NUP133: variants seen among roughly 807,000 people sequenced by gnomAD.
NUP133 encodes the protein nucleoporin 133.
NUP133 carries 66 observed loss-of-function variants against 146.2 expected under a neutral mutation model. That is an observed-to-expected ratio of 0.45 (90% CI 0.37 to 0.55). The LOEUF (loss-of-function observed/expected upper bound fraction) is 0.55. NUP133 is among the 20% of genes least tolerant of loss of function. The pLI is 0.00. For synonymous variants in NUP133, 521 were observed against 498.8 expected (o/e 1.04, Z -0.59); for missense variants, 1,277 against 1,374.8 (o/e 0.93, Z 1.12).
chr1:229,472,540 G>T (rs952496245), intron 14 of NUP133, among the ~76,000 whole-genome samples: 1 of 151,070 alleles, frequency 6.6e-6, no homozygotes, highest in South Asian at 2.1e-4. Flanking sequence ...AAAAGTAGCT[G>T]ATTTGGTGGC....
chr1:229,472,600 T>G (rs896256300), intron 14 of NUP133, among the ~76,000 whole-genome samples: 1 of 150,586 alleles, frequency 6.6e-6, no homozygotes, highest in East Asian at 2.0e-4. Flanking sequence ...GAAGATCACC[T>G]GAGCCCGGAC....
intron 21 of NUP133, 134 bp downstream of exon 21, chr1:229,458,027 T>C: frequency 1.2e-6 from 1 of 837,164 alleles, no homozygotes; most frequent in Non-Finnish European, 1.8e-6. Context: ...CACATGGACA[T>C]TAACTAAATG....
In NUP133 at chr1:229,452,593, G is replaced by A; in HGVS notation, c.3031C>T (p.Gln1011Ter). ...TTTAGCTGTTTCTCCGCCAGCAGCT[G>A]TTCAGGTAGGGTCTCCTGATGCAGT... is the stretch of plus-strand genomic sequence containing the variant. ...FLLHQETLPE[Q>*]LLAEKQLNLS... Residue 1011 changes from glutamine to a stop codon, truncating the protein, a stop_gained, in exon 22 of 26, where the codon CAG becomes TAG. Coordinates refer to ENST00000261396, the MANE Select transcript of NUP133 (RefSeq NM_018230.3). LOFTEE classifies it high-confidence loss of function. 1 of 1,613,856 alleles carries A rather than the reference G, an allele frequency of 6.2e-7. No individual in the cohort carries two copies. The highest frequency in any genetic ancestry group is 8.5e-7 in the Non-Finnish European group (1 of 1,179,804).
At chr1:229,481,414 A>G (rs995940192) in intron 12 of NUP133, among the ~76,000 whole-genome samples, 3 of 152,154 alleles carry the variant, frequency 2.0e-5, no homozygotes, top group Non-Finnish European at 4.4e-5. Flanking sequence ...TGTCCTTATA[A>G]GAAGGCCACG....
At chr1:229,459,187 C>T (rs1423767625) in intron 20 of NUP133, among the ~76,000 whole-genome samples, 1 of 152,000 alleles carries the variant, frequency 6.6e-6, no homozygotes, top group African/African-American at 2.4e-5. Flanking sequence ...ATGTACAATA[C>T]ACTATTATTA....
At chr1:229,478,141 A>G (rs556718422) in intron 12 of NUP133, among the ~76,000 whole-genome samples, 6 of 152,280 alleles carry the variant, frequency 3.9e-5, no homozygotes, top group Admixed American at 3.9e-4. Flanking sequence ...CTATGTACCC[A>G]TAAAAATAAA....
rs557870934 is a variant in NUP133, at chr1:229,452,662, G to A, written c.2981-19C>T. 238 of 1,546,988 alleles carry A rather than the reference G, an allele frequency of 1.5e-4. 3 individuals carry two copies. The South Asian group carries it at 2.6e-3, about 17-fold the overall frequency. On this transcript the variant is annotated intron_variant, in intron 21 of 25. Coordinates refer to ENST00000261396, the MANE Select transcript of NUP133 (RefSeq NM_018230.3). Reference sequence around the variant, plus strand: ...GCCATTTCTAGTATTCAAGATGAGAGGGAGGGAAAGAGAATATGATGAAAT... The same window carrying A: ...GCCATTTCTAGTATTCAAGATGAGAAGGAGGGAAAGAGAATATGATGAAAT...
chr1:229,445,011 CA>C lies in NUP133; in HGVS notation c.3246-10del. 1.3e-6 allele frequency: 2 copies of C among 1,582,790 alleles called. No homozygotes were observed. Among genetic ancestry groups the C allele is most frequent in the Non-Finnish European group, 1.7e-6 (2 of 1,155,176 alleles). On this transcript the variant is annotated splice_polypyrimidine_tract_variant and intron_variant, in intron 24 of 25. Coordinates refer to ENST00000261396, the MANE Select transcript of NUP133 (RefSeq NM_018230.3). ...CATCAGAACTGGACCAGCTAGAAAACAAAATCATTATGAGGGAAAAATGAAA... is the reference window on the plus strand; with the variant it reads ...CATCAGAACTGGACCAGCTAGAAAACAAATCATTATGAGGGAAAAATGAAA...
intron 19 of NUP133, among the ~76,000 whole-genome samples, chr1:229,463,314 G>A (rs1660733092): frequency 6.6e-6 from 1 of 152,140 alleles, no homozygotes; most frequent in Admixed American, 6.5e-5. Context: ...GGGGTGAGGT[G>A]GGAGAAGTGA....
At chr1:229,484,260 C>T in intron 11 of NUP133, 115 bp from the exon 12 acceptor site, 1 of 657,306 alleles carries the variant, frequency 1.5e-6, no homozygotes. Context: ...GAGCTGTTTG[C>T]CGTATTGTCT....
Position 229,441,034 on chromosome 1 carries a change from G to C in NUP133, c.*870C>G. On this transcript the variant is annotated 3_prime_UTR_variant, in exon 26 of 26. Coordinates refer to ENST00000261396, the MANE Select transcript of NUP133 (RefSeq NM_018230.3). ...TTTATTTAAAACCCAGATAAACATT[G>C]AGTGAGTGATGACACTGGTCAGGAC... 1 of 162,074 alleles carries C rather than the reference G, an allele frequency of 6.2e-6. No individual in the cohort carries two copies. Among genetic ancestry groups the C allele is most frequent in the Non-Finnish European group, 1.4e-5 (1 of 73,920 alleles). The allele number at this position is 162,074 out of a possible 1,614,324, so 10.0% of individuals were successfully genotyped here.
chr1:229,485,806 G>A (rs1661334777), intron 11 of NUP133, among the ~76,000 whole-genome samples: 1 of 152,178 alleles, frequency 6.6e-6, no homozygotes, highest in Admixed American at 6.5e-5. Flanking sequence ...ACTAATGTCT[G>A]CATCATTACG....
intron 9 of NUP133, among the ~76,000 whole-genome samples, chr1:229,488,677 C>CA (rs377154071): frequency 0.011 from 1,475 of 132,246 alleles, 18 homozygotes; most frequent in African/African-American, 0.035. Flanking sequence ...GAGTAAGGAT[C>CA]AAAAAAAAAA....
At chr1:229,444,639 G>A (rs1558086512) in intron 25 of NUP133, among the ~76,000 whole-genome samples, 1 of 151,632 alleles carries the variant, frequency 6.6e-6, no homozygotes, top group Non-Finnish European at 1.5e-5. Flanking sequence ...ATGAGGTCAG[G>A]AGTTCGAGAC....
intron 11 of NUP133, among the ~76,000 whole-genome samples, chr1:229,485,499 C>T (rs1171325717): frequency 2.0e-5 from 3 of 152,016 alleles, no homozygotes; most frequent in African/African-American, 7.3e-5. Context: ...AAGAGTCACA[C>T]AAAGTTCTAT....
In NUP133 at chr1:229,470,597, C is replaced by G; in HGVS notation, c.2059G>C (p.Asp687His). 1 of 1,614,080 alleles carries G rather than the reference C, an allele frequency of 6.2e-7. No individual in the cohort carries two copies. The highest frequency in any genetic ancestry group is 8.5e-7 in the Non-Finnish European group (1 of 1,179,898). ...CATCTTACCTCCCTGAAAAAGACAT[C>G]TGCAGGAGTCAGGTTGGATGGGATT... ...YEIPSNLTPA[D>H]VFFREVSQVD... The change falls in exon 15 of 26, where the codon GAT (aspartate) becomes CAT (histidine). Residue 687 changes from aspartate (D) to histidine (H), a missense_variant. Physicochemically the swap from Asp to His is moderately conservative, Grantham distance 81. Transcript: ENST00000261396.
At chr1:229,494,911 G>A (rs1328670123) in intron 8 of NUP133, among the ~76,000 whole-genome samples, 3 of 152,220 alleles carry the variant, frequency 2.0e-5, no homozygotes, top group Non-Finnish European at 4.4e-5. Context: ...TCTCTTGGCA[G>A]TGAAGAAGAG....
chr1:229,471,730 T>C (rs1299247777), intron 14 of NUP133, among the ~76,000 whole-genome samples: 1 of 152,214 alleles, frequency 6.6e-6, no homozygotes, highest in Non-Finnish European at 1.5e-5. Context: ...TAATTCTCTT[T>C]CGTTAATAAG....
intron 6 of NUP133, among the ~76,000 whole-genome samples, chr1:229,496,330 C>T (rs1475402885): frequency 2.0e-5 from 3 of 152,012 alleles, no homozygotes; most frequent in African/African-American, 7.3e-5. Context: ...AAAAAGTAGC[C>T]GGGTGTGGTG....
Sources: allele counts gnomAD v4.1 joint callset (sites outside exome capture counted in the v4.1 genomes callset), GRCh38; gene constraint gnomAD v4.1.1; transcripts MANE v1.5; gene names NCBI Gene and HGNC (gene_info 2026-07-23, HGNC 2026-07-21).